SUPT3H: variants seen among roughly 807,000 people sequenced by gnomAD.
SUPT3H encodes SPT3 homolog, SAGA and STAGA complex component.
Under a neutral mutation model 44.3 loss-of-function variants are expected in SUPT3H, and 44 were observed. The observed-to-expected ratio is 0.99, with a 90% CI of 0.78 to 1.28. The LOEUF (loss-of-function observed/expected upper bound fraction) is 1.28. Among genes scored for constraint, SUPT3H ranks in the 50% most tolerant of loss-of-function variants. The probability of loss-of-function intolerance (pLI) is 0.00; values close to 1 mark genes in which losing one functional copy is unlikely to be tolerated. For missense variants in SUPT3H, 380 were observed against 387.1 expected (o/e 0.98, Z 0.15); for synonymous variants, 124 against 125.6 (o/e 0.99, Z 0.09).
intron 2 of SUPT3H, among the ~76,000 whole-genome samples, chr6:45,304,097 T>C (rs6938177): frequency 0.59 from 89,065 of 152,024 alleles, 26,915 homozygotes; most frequent in African/African-American, 0.74. Context: ...AGTACTAGTA[T>C]ACTACAGATC....
chr6:44,885,706 C>T (rs1762146309), intron 10 of SUPT3H, among the ~76,000 whole-genome samples: 1 of 152,156 alleles, frequency 6.6e-6, no homozygotes, highest in Non-Finnish European at 1.5e-5. Flanking sequence ...AAAAGCAGAG[C>T]ACCTCTCCTC....
At chr6:44,844,847 C>T (rs1771601997) in intron 10 of SUPT3H, among the ~76,000 whole-genome samples, 1 of 152,010 alleles carries the variant, frequency 6.6e-6, no homozygotes, top group Admixed American at 6.6e-5. Context: ...ATACATTTGT[C>T]AAAATCATCA....
At chr6:44,841,996 AG>A (rs1354890562) in intron 10 of SUPT3H, among the ~76,000 whole-genome samples, 1 of 152,200 alleles carries the variant, frequency 6.6e-6, no homozygotes, top group African/African-American at 2.4e-5. Flanking sequence ...AAGACAAATA[AG>A]GCAGGATGAG....
At chr6:44,846,077 C>T (rs530433320) in intron 10 of SUPT3H, among the ~76,000 whole-genome samples, 3 of 152,300 alleles carry the variant, frequency 2.0e-5, no homozygotes, top group Non-Finnish European at 2.9e-5. Flanking sequence ...ACAGCCTGCC[C>T]GTCTTTATGC....
chr6:45,045,918 G>C (rs1789321329), intron 3 of SUPT3H, among the ~76,000 whole-genome samples: 1 of 152,092 alleles, frequency 6.6e-6, no homozygotes, highest in Non-Finnish European at 1.5e-5. Flanking sequence ...TAATGTTGGT[G>C]AAGTTCAATG....
At chr6:44,975,370 T>C (rs1380218124) in intron 6 of SUPT3H, among the ~76,000 whole-genome samples, 2 of 152,070 alleles carry the variant, frequency 1.3e-5, no homozygotes, top group African/African-American at 4.8e-5. Context: ...GAAAATGTGG[T>C]ATATATATAC....
intron 10 of SUPT3H, among the ~76,000 whole-genome samples, chr6:44,866,125 TTTA>T (rs199893244): frequency 2.6e-4 from 38 of 146,856 alleles, no homozygotes; most frequent in East Asian, 6.3e-4. Flanking sequence ...TTTTTTTTTT[TTTA>T]AGCAAAGTAG....
intron 1 of SUPT3H, among the ~76,000 whole-genome samples, chr6:45,366,299 C>A (rs1177426753): frequency 6.6e-6 from 1 of 152,166 alleles, no homozygotes; most frequent in Non-Finnish European, 1.5e-5. Flanking sequence ...AGATTTGAAT[C>A]CCAGCTCCGC....
intron 3 of SUPT3H, among the ~76,000 whole-genome samples, chr6:45,043,307 C>T (rs568254170): frequency 6.6e-5 from 10 of 152,114 alleles, no homozygotes; most frequent in Admixed American, 1.3e-4. Context: ...TAGAAATAAA[C>T]GGTCTTATTT....
chr6:44,876,759 A>C (rs1311169944), intron 10 of SUPT3H, among the ~76,000 whole-genome samples: 1 of 151,562 alleles, frequency 6.6e-6, no homozygotes, highest in African/African-American at 2.4e-5. Context: ...GATGAATGAA[A>C]ATGAAAACAC....
intron 2 of SUPT3H, among the ~76,000 whole-genome samples, chr6:45,267,552 T>G (rs535844774): frequency 7.2e-5 from 11 of 152,358 alleles, no homozygotes; most frequent in African/African-American, 2.6e-4. Context: ...TTTTAAAAAC[T>G]TGGCTAATAT....
intron 6 of SUPT3H, among the ~76,000 whole-genome samples, chr6:44,970,922 T>C (rs993199376): frequency 3.3e-5 from 5 of 152,200 alleles, no homozygotes; most frequent in Admixed American, 1.3e-4. Flanking sequence ...ATATGCACAC[T>C]TTATGGAGTC....
At chr6:44,886,124 C>A (rs546273216) in intron 10 of SUPT3H, among the ~76,000 whole-genome samples, 5 of 152,256 alleles carry the variant, frequency 3.3e-5, no homozygotes, top group Admixed American at 3.3e-4. Context: ...CGTGAAAAGA[C>A]CAAATCTGAG....
At chr6:45,048,893 G>A (rs1217224018) in intron 3 of SUPT3H, among the ~76,000 whole-genome samples, 1 of 151,900 alleles carries the variant, frequency 6.6e-6, no homozygotes, top group Non-Finnish European at 1.5e-5. Context: ...GGGGAGGGAG[G>A]GGTTATAGAA....
chr6:44,839,722 G>A (rs1435854385), intron 10 of SUPT3H, among the ~76,000 whole-genome samples: 1 of 151,028 alleles, frequency 6.6e-6, no homozygotes, highest in African/African-American at 2.4e-5. Context: ...TCTTTTTTGA[G>A]ACGGAGTCTC....
At chr6:45,305,744 A>G (rs1782890594) in intron 2 of SUPT3H, among the ~76,000 whole-genome samples, 1 of 152,096 alleles carries the variant, frequency 6.6e-6, no homozygotes. Flanking sequence ...ATCTTTCCCA[A>G]CTCCACACCT....
chr6:45,165,823 G>A (rs1809752131), intron 2 of SUPT3H, among the ~76,000 whole-genome samples: 1 of 151,900 alleles, frequency 6.6e-6, no homozygotes, highest in South Asian at 2.1e-4. Context: ...AAAAAAGACT[G>A]AAAGAAAGGG....
At chr6:44,909,611 C>T (rs1300224538) in intron 10 of SUPT3H, among the ~76,000 whole-genome samples, 1 of 152,140 alleles carries the variant, frequency 6.6e-6, no homozygotes, top group East Asian at 1.9e-4. Context: ...GAAGACTGTT[C>T]ACTTTTATTA....
chr6:45,014,269 T>C (rs1334605844), intron 5 of SUPT3H, among the ~76,000 whole-genome samples: 4 of 152,136 alleles, frequency 2.6e-5, no homozygotes, highest in Non-Finnish European at 5.9e-5. Flanking sequence ...TATGATGGTT[T>C]AGCAAAACTG....
Sources: gnomAD v4.1 joint callset for allele counts (sites outside exome capture counted in the v4.1 genomes callset) on GRCh38, gnomAD v4.1.1 for gene constraint, MANE v1.5 for transcripts, NCBI Gene and HGNC (gene_info 2026-07-23, HGNC 2026-07-21) for gene names.